The following ZNF407 variants were observed in gnomAD, a reference collection of about 807,000 sequenced individuals.
The protein encoded by ZNF407 is zinc finger protein 407.
ZNF407 carries 17 observed loss-of-function variants against 131.2 expected under a neutral mutation model. The observed-to-expected ratio is 0.13, with a 90% CI of 0.09 to 0.19. The LOEUF (loss-of-function observed/expected upper bound fraction) is 0.19. ZNF407 is among the 10% of genes least tolerant of loss of function. ZNF407 has a pLI of 1.00. For missense variants in ZNF407, 2,681 were observed against 2,830.6 expected, an observed-to-expected ratio of 0.95 and a Z score of 1.20; for synonymous variants, 1,156 against 1,062.0, an observed-to-expected ratio of 1.09 and a Z score of -1.72.
At chr18:74,755,839 CCCTCCCTT>C (rs1304975300) in intron 3 of ZNF407, among the ~76,000 whole-genome samples, 17 of 121,170 alleles carry the variant, frequency 1.4e-4, no homozygotes, top group South Asian at 6.5e-4. Context: ...TCCCTTCCCT[CCCTCCCTT>C]CCTCCCTTCC....
chr18:74,972,804 A>T (rs1475287114), intron 8 of ZNF407, among the ~76,000 whole-genome samples: 2 of 152,144 alleles, frequency 1.3e-5, no homozygotes, highest in East Asian at 3.8e-4. Context: ...ATCTCATTTT[A>T]TCCTTTTACT....
At chr18:74,980,856 G>C (rs773826680) in intron 8 of ZNF407, among the ~76,000 whole-genome samples, 24 of 152,152 alleles carry the variant, frequency 1.6e-4, no homozygotes, top group Non-Finnish European at 2.5e-4. Context: ...CACCGGCTCC[G>C]CTGCGGCCAC....
chr18:74,715,311 G>A (rs1300067130), intron 3 of ZNF407, among the ~76,000 whole-genome samples: 3 of 152,154 alleles, frequency 2.0e-5, no homozygotes, highest in Admixed American at 6.5e-5. Context: ...CCAAATGTGC[G>A]TATTTAAAGA....
At chr18:74,788,012 A>G (rs1047110892) in intron 4 of ZNF407, among the ~76,000 whole-genome samples, 1 of 152,168 alleles carries the variant, frequency 6.6e-6, no homozygotes, top group African/African-American at 2.4e-5. Context: ...TTAGCCTTTG[A>G]TACTAGCAAA....
rs536862774 is a variant in ZNF407, at chr18:74,599,181, C to G, written c.-54+1244C>G. 3.9e-4 allele frequency among the ~76,000 whole-genome samples: 60 copies of G among 152,276 alleles called. 1 individual carries two copies. Among genetic ancestry groups the G allele is most frequent in the Admixed American group, 2.7e-3 (42 of 15,302 alleles). On this transcript the variant is annotated intron_variant, in intron 1 of 8. Transcript: ENST00000299687. The stretch of plus-strand genomic sequence containing the variant: ...AATCTTGTGTAGTAGGAATTATTCC[C>G]TTTTTACAAACTGAGACTCACTTTG...
intron 8 of ZNF407, among the ~76,000 whole-genome samples, chr18:75,018,515 C>T (rs1477101642): frequency 6.6e-6 from 1 of 151,570 alleles, no homozygotes; most frequent in East Asian, 1.9e-4. Flanking sequence ...TTTTGAATAA[C>T]AATCCACAAT....
chr18:74,695,434 A>C (rs971479159), intron 3 of ZNF407, among the ~76,000 whole-genome samples: 1 of 152,102 alleles, frequency 6.6e-6, no homozygotes, highest in Non-Finnish European at 1.5e-5. Context: ...AATGTGCACC[A>C]GCTAAGACTA....
chr18:75,022,761 A>G (rs1023458104), intron 8 of ZNF407, among the ~76,000 whole-genome samples: 5 of 152,184 alleles, frequency 3.3e-5, no homozygotes, highest in Non-Finnish European at 5.9e-5. Flanking sequence ...CCACTGTGGA[A>G]GACAGTGTGG....
chr18:74,823,931 A>G (rs1337970073), intron 4 of ZNF407, among the ~76,000 whole-genome samples: 1 of 152,220 alleles, frequency 6.6e-6, no homozygotes, highest in Non-Finnish European at 1.5e-5. Flanking sequence ...ACCTCATTGC[A>G]CTTATTCTAA....
chr18:74,726,287 A>C (rs1264781999), intron 3 of ZNF407, among the ~76,000 whole-genome samples: 2 of 152,198 alleles, frequency 1.3e-5, no homozygotes, highest in Non-Finnish European at 2.9e-5. Context: ...ACAAGACCCC[A>C]TGATGAATCA....
chr18:74,687,876 A>C (rs905457288), intron 3 of ZNF407, among the ~76,000 whole-genome samples: 5 of 152,210 alleles, frequency 3.3e-5, no homozygotes, highest in Admixed American at 3.3e-4. Flanking sequence ...CCTTATATTT[A>C]TAGTTCATAG....
chr18:74,820,789 G>C (rs958176876), intron 4 of ZNF407, among the ~76,000 whole-genome samples: 4 of 152,144 alleles, frequency 2.6e-5, no homozygotes, highest in African/African-American at 9.7e-5. Context: ...CTTAGGAACA[G>C]AAGTCTATGA....
chr18:74,997,225 C>T (rs1281763148), intron 8 of ZNF407, among the ~76,000 whole-genome samples: 2 of 152,140 alleles, frequency 1.3e-5, no homozygotes, highest in African/African-American at 2.4e-5. Context: ...GTTACAAAAT[C>T]GATTTCTGCT....
chr18:74,726,105 T>A (rs760460016), intron 3 of ZNF407, among the ~76,000 whole-genome samples: 8 of 152,208 alleles, frequency 5.3e-5, no homozygotes, highest in Non-Finnish European at 1.2e-4. Flanking sequence ...TTAGAGCCAC[T>A]TTCTAGTTCA....
intron 3 of ZNF407, among the ~76,000 whole-genome samples, chr18:74,708,754 C>A (rs1280907403): frequency 2.6e-5 from 4 of 152,218 alleles, no homozygotes; most frequent in Non-Finnish European, 5.9e-5. Flanking sequence ...ACAACAGGAA[C>A]CCCGCACGCG....
At chr18:74,820,335 C>G (rs959957649) in intron 4 of ZNF407, among the ~76,000 whole-genome samples, 3 of 152,146 alleles carry the variant, frequency 2.0e-5, no homozygotes, top group Non-Finnish European at 2.9e-5. Flanking sequence ...AGCAGCCCTA[C>G]AGACTGCAGA....
In ZNF407 at chr18:74,672,526, C is replaced by T. The variant is rs534924538; in HGVS notation, c.4802+31404C>T. ...ACTGTGTCTCTGTTCGTTGGAGCAC[C>T]GTTTGTTCATTGGAGCACTGTTTGT... On this transcript the variant is annotated intron_variant, in intron 3 of 8. Coordinates refer to ENST00000299687, the MANE Select transcript of ZNF407 (RefSeq NM_017757.3). Among the ~76,000 whole-genome samples the T allele has an allele frequency of 8.3e-3, 555 of 66,902 alleles. 1 individual carries two copies. Among genetic ancestry groups the T allele is most frequent in the Non-Finnish European group, 0.014 (424 of 29,382 alleles). The allele number at this position is 66,902 out of a possible 152,430, so 43.9% of individuals were successfully genotyped here.
chr18:74,606,674 C>T (rs1421025086), intron 1 of ZNF407, among the ~76,000 whole-genome samples: 1 of 152,102 alleles, frequency 6.6e-6, no homozygotes, highest in African/African-American at 2.4e-5. Flanking sequence ...TGTCGGCACA[C>T]CTGAGGAGAC....
chr18:74,715,356 C>T (rs987057459), intron 3 of ZNF407, among the ~76,000 whole-genome samples: 15 of 152,178 alleles, frequency 9.9e-5, no homozygotes, highest in Non-Finnish European at 7.4e-5. Flanking sequence ...TGTGACTCTA[C>T]GCTGGGTATT....
Sources: allele counts gnomAD v4.1 joint callset (sites outside exome capture counted in the v4.1 genomes callset), GRCh38; gene constraint gnomAD v4.1.1; transcripts MANE v1.5; gene names NCBI Gene and HGNC (gene_info 2026-07-23, HGNC 2026-07-21).